Variants in ADCY2 observed in about 807,000 individuals in gnomAD.
The protein encoded by ADCY2 is adenylate cyclase 2.
Under a neutral mutation model 125.2 loss-of-function variants are expected in ADCY2, and 31 were observed. That is an observed-to-expected ratio of 0.25 (90% CI 0.19 to 0.33). ADCY2 has a LOEUF of 0.33. ADCY2 is among the 10% of genes least tolerant of loss of function. The pLI is 1.00. For missense variants in ADCY2, 904 were observed against 1,418.2 expected (o/e 0.64, Z 5.82); for synonymous variants, 512 against 548.4 (o/e 0.93, Z 0.93).
intron 1 of ADCY2, among the ~76,000 whole-genome samples, chr5:7,412,156 T>A (rs563994794): frequency 6.6e-6 from 1 of 152,288 alleles, no homozygotes; most frequent in East Asian, 1.9e-4. Flanking sequence ...TATATCAGCA[T>A]CTTCTTGTTC....
chr5:7,540,446 C>T (rs1167181350), intron 3 of ADCY2, among the ~76,000 whole-genome samples: 1 of 152,070 alleles, frequency 6.6e-6, no homozygotes, highest in East Asian at 1.9e-4. Flanking sequence ...GATTTTTATC[C>T]TTTTTCCATC....
rs1274697200 is a variant in ADCY2 at position 7,646,174 on chromosome 5, A to G, written c.720+19858A>G. On this transcript the variant is annotated intron_variant, in intron 4 of 24. Transcript: ENST00000338316. ...ACGAGTAAAACTTGATTAAGACTAA[A>G]TAATTGTAGTTACCTAATGTAAAAA... Among the ~76,000 whole-genome samples, 3 of 152,156 alleles carry G rather than the reference A, an allele frequency of 2.0e-5. No individual in the cohort carries two copies. The East Asian group carries it at 5.8e-4, about 29-fold the overall frequency.
At chr5:7,519,236 G>A (rs1383842173) in intron 2 of ADCY2, among the ~76,000 whole-genome samples, 2 of 152,178 alleles carry the variant, frequency 1.3e-5, no homozygotes, top group African/African-American at 2.4e-5. Flanking sequence ...GAGAGAAGAA[G>A]CCTGGTTTTC....
chr5:7,433,159 A>G (rs1740669282), intron 2 of ADCY2, among the ~76,000 whole-genome samples: 1 of 152,174 alleles, frequency 6.6e-6, no homozygotes, highest in Admixed American at 6.5e-5. Context: ...CCTTCTTTCC[A>G]TTCAGATATG....
chr5:7,613,011 G>A (rs1432333316), intron 3 of ADCY2, among the ~76,000 whole-genome samples: 2 of 152,066 alleles, frequency 1.3e-5, no homozygotes, highest in Non-Finnish European at 2.9e-5. Flanking sequence ...CAGCCTGGGC[G>A]ACAGAGTGAG....
chr5:7,620,364 T>C (rs1345689676), intron 3 of ADCY2, among the ~76,000 whole-genome samples: 3 of 152,198 alleles, frequency 2.0e-5, no homozygotes, highest in Non-Finnish European at 2.9e-5. Context: ...ACATCCATTG[T>C]TGAGATTGTT....
At chr5:7,458,231 T>C (rs561335214) in intron 2 of ADCY2, among the ~76,000 whole-genome samples, 2 of 152,318 alleles carry the variant, frequency 1.3e-5, no homozygotes, top group African/African-American at 4.8e-5. Flanking sequence ...TCTTAATTAA[T>C]GAACTTTGGA....
At chr5:7,501,655 C>T (rs921197649) in intron 2 of ADCY2, among the ~76,000 whole-genome samples, 2 of 110,056 alleles carry the variant, frequency 1.8e-5, no homozygotes, top group African/African-American at 6.5e-5. Flanking sequence ...CTCCCCCCCC[C>T]CCCGCCAGTA....
intron 12 of ADCY2, among the ~76,000 whole-genome samples, chr5:7,721,584 G>A: frequency 6.6e-6 from 1 of 152,234 alleles, no homozygotes; most frequent in Admixed American, 6.5e-5. Context: ...TAAGGTGTAA[G>A]GAAGGGATCC....
intron 2 of ADCY2, among the ~76,000 whole-genome samples, chr5:7,444,169 A>G (rs1168915464): frequency 7.3e-6 from 1 of 137,842 alleles, no homozygotes; most frequent in African/African-American, 2.8e-5. Flanking sequence ...GCTGGAGTGC[A>G]GTGGCGGGAT....
At chr5:7,720,773 C>A (rs1741733219) in intron 12 of ADCY2, among the ~76,000 whole-genome samples, 1 of 152,188 alleles carries the variant, frequency 6.6e-6, no homozygotes, top group Non-Finnish European at 1.5e-5. Context: ...ATATGTGCCA[C>A]ATTTTCTTAA....
intron 17 of ADCY2, among the ~76,000 whole-genome samples, chr5:7,772,463 G>A (rs549696068): frequency 2.0e-5 from 3 of 152,254 alleles, no homozygotes; most frequent in South Asian, 2.1e-4. Flanking sequence ...TTAATAAAAT[G>A]TCTGGGCTTC....
intron 4 of ADCY2, among the ~76,000 whole-genome samples, chr5:7,643,078 G>C (rs2126675481): frequency 6.6e-6 from 1 of 151,514 alleles, no homozygotes; most frequent in Non-Finnish European, 1.5e-5. Flanking sequence ...ACTGTGGTAG[G>C]ATTTTTTTTT....
At chr5:7,590,503 A>G (rs1433735990) in intron 3 of ADCY2, among the ~76,000 whole-genome samples, 1 of 152,170 alleles carries the variant, frequency 6.6e-6, no homozygotes, top group Admixed American at 6.5e-5. Flanking sequence ...AACCATATTT[A>G]AATATCAAGA....
chr5:7,635,002 A>G (rs1263203987), intron 4 of ADCY2, among the ~76,000 whole-genome samples: 1 of 152,142 alleles, frequency 6.6e-6, no homozygotes, highest in Non-Finnish European at 1.5e-5. Context: ...AGGGCCTGAG[A>G]AAAATGTTCC....
chr5:7,786,081 T>C (rs1276681482), intron 19 of ADCY2, among the ~76,000 whole-genome samples: 3 of 152,342 alleles, frequency 2.0e-5, no homozygotes, highest in Non-Finnish European at 4.4e-5. Flanking sequence ...TATTTACATC[T>C]AGAGGCCTAG....
chr5:7,733,370 G>A (rs75689792), intron 14 of ADCY2, among the ~76,000 whole-genome samples: 1,695 of 152,180 alleles, frequency 0.011, 32 homozygotes, highest in African/African-American at 0.038. Flanking sequence ...GTCTCGCTGC[G>A]GGATTAGATA....
intron 2 of ADCY2, among the ~76,000 whole-genome samples, chr5:7,488,373 G>A (rs1303772916): frequency 1.3e-5 from 2 of 152,004 alleles, no homozygotes; most frequent in African/African-American, 4.8e-5. Flanking sequence ...CCCAGTCTTG[G>A]GTATGTCTAA....
At chr5:7,405,004 A>G (rs1739421204) in intron 1 of ADCY2, among the ~76,000 whole-genome samples, 1 of 152,178 alleles carries the variant, frequency 6.6e-6, no homozygotes, top group Admixed American at 6.5e-5. Flanking sequence ...AAAAAGATGG[A>G]ATTGCATGAC....
Sources: gnomAD v4.1 joint callset for allele counts (sites outside exome capture counted in the v4.1 genomes callset) on GRCh38, gnomAD v4.1.1 for gene constraint, MANE v1.5 for transcripts, NCBI Gene and HGNC (gene_info 2026-07-23, HGNC 2026-07-21) for gene names.